The following RNLS variants were observed in gnomAD, a reference collection of about 807,000 sequenced individuals.
The protein encoded by RNLS is renalase, FAD dependent amine oxidase.
Under a neutral mutation model 39.8 loss-of-function variants are expected in RNLS, and 39 were observed. The observed-to-expected ratio is 0.98, with a 90% CI of 0.76 to 1.28. The LOEUF is 1.28. RNLS is among the 50% of genes most tolerant of loss of function. RNLS has a pLI of 0.00. For missense variants in RNLS, 410 were observed against 413.3 expected (o/e 0.99, Z 0.07); for synonymous variants, 147 against 150.7 (o/e 0.98, Z 0.18).
chr10:88,205,447 G>A, the RNLS span, among the ~76,000 whole-genome samples: 1 of 152,086 alleles, frequency 6.6e-6, no homozygotes, highest in Non-Finnish European at 1.5e-5. Flanking sequence ...AAGTTCCGCA[G>A]TAATGGAGTT....
chr10:88,322,807 T>C (rs1846282166), intron 5 of RNLS, among the ~76,000 whole-genome samples: 1 of 152,098 alleles, frequency 6.6e-6, no homozygotes, highest in South Asian at 2.1e-4. Context: ...GAAGAAGATA[T>C]AAAAGTAATA....
intron 4 of RNLS, among the ~76,000 whole-genome samples, chr10:88,448,380 C>A (rs1481008963): frequency 6.6e-6 from 1 of 152,068 alleles, no homozygotes; most frequent in Non-Finnish European, 1.5e-5. Context: ...ATTTATGCAG[C>A]CAACAGACAC....
chr10:88,402,952 T>A (rs1853026737), intron 4 of RNLS, among the ~76,000 whole-genome samples: 1 of 152,038 alleles, frequency 6.6e-6, no homozygotes, highest in Non-Finnish European at 1.5e-5. Flanking sequence ...ACAGCTTATC[T>A]CCTGATAGAA....
At chr10:88,409,197 T>C (rs1221723648) in intron 4 of RNLS, among the ~76,000 whole-genome samples, 1 of 152,086 alleles carries the variant, frequency 6.6e-6, no homozygotes, top group Non-Finnish European at 1.5e-5. Context: ...TACTTCTCAG[T>C]TTCAGGTATT....
intron 4 of RNLS, among the ~76,000 whole-genome samples, chr10:88,386,185 A>G (rs1404569288): frequency 6.6e-6 from 1 of 152,202 alleles, no homozygotes. Context: ...ATAATTTAAC[A>G]GTTGTTAATA....
intron 4 of RNLS, among the ~76,000 whole-genome samples, chr10:88,521,247 C>A (rs1846710151): frequency 6.6e-6 from 1 of 152,002 alleles, no homozygotes; most frequent in East Asian, 1.9e-4. Context: ...CCCACTACAC[C>A]TGAGCTATGT....
the RNLS span, among the ~76,000 whole-genome samples, chr10:88,266,737 C>CACA: frequency 7.0e-6 from 1 of 141,888 alleles, no homozygotes; most frequent in East Asian, 2.2e-4. Context: ...ACACACACAC[C>CACA]CCACACACAC....
chr10:88,262,032 G>A, the RNLS span, among the ~76,000 whole-genome samples: 1 of 152,128 alleles, frequency 6.6e-6, no homozygotes, highest in Non-Finnish European at 1.5e-5. Flanking sequence ...AGGCAAACCG[G>A]CTGGAGAAAA....
rs1843758000 is a variant in RNLS, at chr10:88,475,425, T to C, written c.526+97478A>G. 2.0e-5 allele frequency among the ~76,000 whole-genome samples: 3 copies of C among 152,234 alleles called. No homozygotes were observed. The South Asian group carries it at 6.2e-4, about 32-fold the overall frequency. ...GGGCTAGATCTTAGCCTCAGAGCCC[T>C]GAAATCTAATAGCAATTTAAGGAAC... On this transcript the variant is annotated intron_variant, in intron 4 of 6. Coordinates refer to ENST00000331772, the MANE Select transcript of RNLS (RefSeq NM_001031709.3).
chr10:88,377,910 C>A (rs1851148619), intron 4 of RNLS, among the ~76,000 whole-genome samples: 1 of 152,108 alleles, frequency 6.6e-6, no homozygotes, highest in Non-Finnish European at 1.5e-5. Context: ...GCTTAAAACA[C>A]ACATTGCATA....
intron 4 of RNLS, among the ~76,000 whole-genome samples, chr10:88,547,505 T>C (rs1044227270): frequency 1.3e-5 from 2 of 152,230 alleles, no homozygotes; most frequent in African/African-American, 4.8e-5. Flanking sequence ...ATTTCCAAAA[T>C]GTCAGCATTT....
At chr10:88,518,868 T>A (rs1417628349) in intron 4 of RNLS, among the ~76,000 whole-genome samples, 3 of 152,006 alleles carry the variant, frequency 2.0e-5, no homozygotes, top group African/African-American at 7.2e-5. Context: ...AAGAAAGAGA[T>A]TAAGTGACCC....
chr10:88,569,640 C>T (rs1310627659), intron 4 of RNLS, among the ~76,000 whole-genome samples: 1 of 152,070 alleles, frequency 6.6e-6, no homozygotes, highest in Non-Finnish European at 1.5e-5. Flanking sequence ...TATGTAAATA[C>T]AATTTTCAGA....
Position 88,479,755 on chromosome 10 carries a change from T to C in RNLS, c.526+93148A>G, listed in dbSNP as rs148011642. Among the ~76,000 whole-genome samples, 1,138 of 151,892 alleles carry C rather than the reference T, an allele frequency of 7.5e-3. 12 individuals are homozygous for C. Among genetic ancestry groups the C allele is most frequent in the African/African-American group, 0.026 (1,100 of 41,514 alleles). On this transcript the variant is annotated intron_variant, in intron 4 of 6. Transcript: ENST00000331772. ...CTATTTTCCATTCATGACTTTTTCA[T>C]ATCAGCCATTCTTCTCTGGACTTTC...
At chr10:88,228,664 C>T in the RNLS span, among the ~76,000 whole-genome samples, 4 of 152,338 alleles carry the variant, frequency 2.6e-5, no homozygotes, top group South Asian at 4.1e-4. Flanking sequence ...AATCACTCCA[C>T]GAAACTACCT....
At chr10:88,242,831 C>T in the RNLS span, among the ~76,000 whole-genome samples, 1 of 152,146 alleles carries the variant, frequency 6.6e-6, no homozygotes, top group Non-Finnish European at 1.5e-5. Context: ...CCTGTAATCC[C>T]AGCTACTTGG....
chr10:88,320,731 A>C (rs1477554247), intron 5 of RNLS, among the ~76,000 whole-genome samples: 3 of 150,624 alleles, frequency 2.0e-5, no homozygotes, highest in African/African-American at 7.3e-5. Flanking sequence ...TAAAGGGTTC[A>C]ATTCAATCAG....
chr10:88,447,288 T>A (rs1589809398), intron 4 of RNLS, among the ~76,000 whole-genome samples: 1 of 152,314 alleles, frequency 6.6e-6, no homozygotes, highest in Non-Finnish European at 1.5e-5. Flanking sequence ...CAAAATCTCC[T>A]TAAGCTGATA....
At chr10:88,330,756 T>A (rs1847057372) in intron 5 of RNLS, among the ~76,000 whole-genome samples, 1 of 152,090 alleles carries the variant, frequency 6.6e-6, no homozygotes, top group Admixed American at 6.5e-5. Flanking sequence ...TTATGCAACA[T>A]CCTTTACAAT....
Sources: allele counts gnomAD v4.1 joint callset (sites outside exome capture counted in the v4.1 genomes callset), GRCh38; gene constraint gnomAD v4.1.1; transcripts MANE v1.5; gene names NCBI Gene and HGNC (gene_info 2026-07-23, HGNC 2026-07-21).